The following CHODL variants were observed in gnomAD, a reference collection of about 807,000 sequenced individuals.
CHODL encodes the protein chondrolectin.
In CHODL, 29 loss-of-function variants were observed where a neutral mutation model predicts 34.5. That is an observed-to-expected ratio of 0.84 (90% confidence interval 0.63 to 1.15). The LOEUF is 1.15. CHODL is among the 50% of genes most tolerant of loss of function. The pLI is 0.00. For synonymous variants in CHODL, 125 were observed against 116.1 expected, an observed-to-expected ratio of 1.08 and a Z score of -0.49; for missense variants, 332 against 332.5, an observed-to-expected ratio of 1.00 and a Z score of 0.01.
intron 2 of CHODL, among the ~76,000 whole-genome samples, chr21:18,231,400 G>A (rs2073977584): frequency 6.6e-6 from 1 of 152,010 alleles, no homozygotes; most frequent in Non-Finnish European, 1.5e-5. Context: ...CTGTGACTTG[G>A]CACAGCAGTG....
chr21:18,155,089 A>G (rs982017436), intron 2 of CHODL, among the ~76,000 whole-genome samples: 1 of 152,212 alleles, frequency 6.6e-6, no homozygotes, highest in African/African-American at 2.4e-5. Context: ...AGCTTATAAT[A>G]TAGGGTTAGA....
chr21:17,955,323 C>T (rs551417531), intron 1 of CHODL, among the ~76,000 whole-genome samples: 1 of 137,436 alleles, frequency 7.3e-6, no homozygotes, highest in East Asian at 2.2e-4. Flanking sequence ...TCTTAATCTC[C>T]TATTGTCCAT....
intron 1 of CHODL, among the ~76,000 whole-genome samples, chr21:17,963,569 A>AG (rs2063549321): frequency 6.6e-6 from 1 of 152,202 alleles, no homozygotes; most frequent in African/African-American, 2.4e-5. Context: ...CACTATCATG[A>AG]GAACAGCATG....
At chr21:18,013,635 C>CTTTTTTTTTTTT (rs1212894827) in intron 1 of CHODL, among the ~76,000 whole-genome samples, 823 of 71,816 alleles carry the variant, frequency 0.011, 281 homozygotes, top group African/African-American at 0.049. Context: ...GCTGCTGCTG[C>CTTTTTTTTTTTT]TTTTTTTTTT....
intron 2 of CHODL, among the ~76,000 whole-genome samples, chr21:18,045,622 G>A (rs957992095): frequency 1.3e-5 from 2 of 151,878 alleles, no homozygotes; most frequent in Non-Finnish European, 2.9e-5. Context: ...ATACATTTTT[G>A]ATGTTTTAAT....
At chr21:17,976,958 T>C (rs946212397) in intron 1 of CHODL, among the ~76,000 whole-genome samples, 3 of 152,178 alleles carry the variant, frequency 2.0e-5, no homozygotes, top group African/African-American at 7.2e-5. Flanking sequence ...TTTCATCATA[T>C]AAACCTTTAT....
intron 2 of CHODL, among the ~76,000 whole-genome samples, chr21:18,161,089 T>A (rs949498452): frequency 2.0e-5 from 3 of 152,156 alleles, no homozygotes; most frequent in Non-Finnish European, 2.9e-5. Context: ...ATGTTGAGCT[T>A]TTTTTCATAT....
intron 1 of CHODL, among the ~76,000 whole-genome samples, chr21:17,917,889 G>A (rs571051315): frequency 4.0e-5 from 6 of 151,808 alleles, no homozygotes; most frequent in African/African-American, 1.4e-4. Context: ...GTGTGTGTGT[G>A]TATGTGTGTG....
At chr21:17,978,465 T>TAC (rs2063686352) in intron 1 of CHODL, among the ~76,000 whole-genome samples, 1 of 147,642 alleles carries the variant, frequency 6.8e-6, no homozygotes, top group Non-Finnish European at 1.5e-5. Context: ...ACGCCTGTAA[T>TAC]CCCAGCACTT....
intron 1 of CHODL, among the ~76,000 whole-genome samples, chr21:17,970,869 T>C (rs2063608638): frequency 6.6e-6 from 1 of 152,170 alleles, no homozygotes; most frequent in South Asian, 2.1e-4. Flanking sequence ...TTTCTCCTAA[T>C]GCTATCCCTC....
rs752194354 is a variant in CHODL, at chr21:18,195,028, A to AT, written c.-44-61479dup. 7.0e-3 allele frequency among the ~76,000 whole-genome samples: 1,002 copies of AT among 144,070 alleles called. 10 individuals carry two copies. Among genetic ancestry groups the AT allele is most frequent in the African/African-American group, 0.022 (852 of 38,560 alleles). The allele number at this position is 144,070 out of a possible 152,430, so 94.5% of individuals were successfully genotyped here. ...CAATACATTGTTATTAATACAATAC[A>AT]TTATTTATTTATTTATTTATTTATT... is the stretch of plus-strand genomic sequence containing the variant. On this transcript the variant is annotated intron_variant, in intron 2 of 6. Coordinates refer to the CHODL transcript ENST00000400127.
At chr21:18,165,806 T>C (rs1223627462) in intron 2 of CHODL, among the ~76,000 whole-genome samples, 24 of 152,202 alleles carry the variant, frequency 1.6e-4, no homozygotes, top group Admixed American at 1.6e-3. Context: ...GACAAGTGTA[T>C]TGAATCTAAA....
chr21:18,239,363 G>C (rs920079222), intron 2 of CHODL, among the ~76,000 whole-genome samples: 2 of 152,000 alleles, frequency 1.3e-5, no homozygotes, highest in Non-Finnish European at 2.9e-5. Context: ...GCTTAGAAAC[G>C]ATGTATGAAA....
intron 1 of CHODL, among the ~76,000 whole-genome samples, chr21:17,988,709 C>G (rs2063774204): frequency 6.7e-6 from 1 of 150,252 alleles, no homozygotes; most frequent in African/African-American, 2.5e-5. Context: ...TCATCCATGT[C>G]CCTACAAAGG....
chr21:18,079,424 AATATT>A (rs972018893), intron 2 of CHODL, among the ~76,000 whole-genome samples: 2 of 147,452 alleles, frequency 1.4e-5, no homozygotes, highest in Non-Finnish European at 3.0e-5. Flanking sequence ...TATACCATAG[AATATT>A]ATATATCACA....
chr21:17,920,299 T>C (rs993469091), intron 1 of CHODL, among the ~76,000 whole-genome samples: 6 of 152,240 alleles, frequency 3.9e-5, no homozygotes, highest in Admixed American at 3.9e-4. Flanking sequence ...AGAAGTTTAA[T>C]GGACTTACAG....
chr21:17,977,922 A>AAAAAAAAAG lies in CHODL; in HGVS notation c.-144-49942_-144-49941insGAAAAAAAA, dbSNP rs1439439637. Among the ~76,000 whole-genome samples, 64 of 150,126 alleles carry AAAAAAAAAG rather than the reference A, an allele frequency of 4.3e-4. 3 individuals carry two copies. The highest frequency in any genetic ancestry group is 1.3e-3 in the African/African-American group (53 of 41,152). ...AACAGAGCAACACTCCCATCTCAAA[A>AAAAAAAAAG]AAAAAAAAAAAAGAAAAAGATACAT... On this transcript the variant is annotated intron_variant, in intron 1 of 6. Coordinates refer to the CHODL transcript ENST00000400127.
intron 1 of CHODL, among the ~76,000 whole-genome samples, chr21:17,959,369 C>G (rs2063515728): frequency 6.6e-6 from 1 of 152,118 alleles, no homozygotes. Context: ...TTCTCAATGT[C>G]TGTTGTGAGT....
At chr21:18,101,108 G>C (rs1157939081) in intron 2 of CHODL, among the ~76,000 whole-genome samples, 1 of 152,080 alleles carries the variant, frequency 6.6e-6, no homozygotes, top group Non-Finnish European at 1.5e-5. Context: ...TGAATAATGG[G>C]GGTGGGTCTT....
Sources: allele counts gnomAD v4.1 joint callset (sites outside exome capture counted in the v4.1 genomes callset), GRCh38; gene constraint gnomAD v4.1.1; transcripts MANE v1.5; gene names NCBI Gene and HGNC (gene_info 2026-07-23, HGNC 2026-07-21).